GALNT12: variants seen among roughly 807,000 people sequenced by gnomAD.
GALNT12 encodes UDP-GalNAc:polypeptide N-acetylgalactosaminyltransferase 12.
Under a neutral mutation model 55.5 loss-of-function variants are expected in GALNT12, and 45 were observed. The ratio of observed to expected loss-of-function variants is 0.81; its 90% CI spans 0.64 to 1.04. The LOEUF (loss-of-function observed/expected upper bound fraction) is 1.04. Ranked by LOEUF, GALNT12 falls within the 50% of genes least tolerant of loss-of-function variation. The pLI is 0.00. For missense variants in GALNT12, 709 were observed against 754.8 expected, an observed-to-expected ratio of 0.94 and a Z score of 0.71; for synonymous variants, 304 against 312.2, an observed-to-expected ratio of 0.97 and a Z score of 0.28.
At chr9:98,842,400 G>T (rs1423551654) in intron 7 of GALNT12, among the ~76,000 whole-genome samples, 1 of 152,016 alleles carries the variant, frequency 6.6e-6, no homozygotes, top group African/African-American at 2.4e-5. Context: ...TGTTGCCCAG[G>T]CTGGTCTTGA....
At chr9:98,825,797 A>G (rs926457878) in intron 2 of GALNT12, among the ~76,000 whole-genome samples, 1 of 151,914 alleles carries the variant, frequency 6.6e-6, no homozygotes, top group African/African-American at 2.4e-5. Context: ...AAGCATAGGA[A>G]GACCCTATGT....
intron 4 of GALNT12, among the ~76,000 whole-genome samples, chr9:98,832,851 T>C (rs1040726416): frequency 4.6e-5 from 7 of 152,228 alleles, no homozygotes; most frequent in African/African-American, 1.7e-4. Context: ...CTACATTTTG[T>C]TTATCCATTC....
chr9:98,839,674 G>A lies in GALNT12; in HGVS notation c.1213-328G>A, dbSNP rs555274919. On this transcript the variant is annotated intron_variant, in intron 6 of 9. Transcript: ENST00000375011. ...GATCACAAGCATGGGTCACAGGTCC[G>A]GGATCCATAGATGCCAGTGCAGCCC... Among the ~76,000 whole-genome samples, 263 of 152,128 alleles carry A rather than the reference G, an allele frequency of 1.7e-3. 1 individual carries two copies. Among genetic ancestry groups the A allele is most frequent in the African/African-American group, 6.1e-3 (252 of 41,532 alleles).
chr9:98,836,848 G>GA, intron 5 of GALNT12, 124 bp from the exon 6 acceptor site: 1 of 1,036,718 alleles, frequency 9.6e-7, no homozygotes, highest in East Asian at 2.4e-5. Flanking sequence ...CTGCCCGATG[G>GA]AGGCTGAGCA....
intron 2 of GALNT12, among the ~76,000 whole-genome samples, chr9:98,826,018 TA>T (rs1564252572): frequency 6.6e-6 from 1 of 152,114 alleles, no homozygotes; most frequent in Non-Finnish European, 1.5e-5. Flanking sequence ...TTTATTGATT[TA>T]TTTATAGACA....
At position 98,839,288 on chromosome 9, in the gene GALNT12, G is replaced by A. The variant is rs550969795; in HGVS notation, c.1213-714G>A. Among the ~76,000 whole-genome samples, 3 of 152,268 alleles carry A rather than the reference G, an allele frequency of 2.0e-5. No individual in the cohort carries two copies. In the East Asian group the frequency reaches 5.8e-4, roughly 29 times the overall value. ...GAAATCTGAAATCTTATTCAAACAT[G>A]TACTTATTATTACCATTTTGTTCAA... On this transcript the variant is annotated intron_variant, in intron 6 of 9. Coordinates refer to ENST00000375011, the MANE Select transcript of GALNT12 (RefSeq NM_024642.5).
At chr9:98,819,952 G>A (rs180880399) in intron 1 of GALNT12, among the ~76,000 whole-genome samples, 1 of 152,304 alleles carries the variant, frequency 6.6e-6, no homozygotes, top group East Asian at 1.9e-4. Context: ...CATAGGAAGT[G>A]GTTTTGAAGG....
At chr9:98,815,508 A>G (rs1280095937) in intron 1 of GALNT12, among the ~76,000 whole-genome samples, 1 of 152,238 alleles carries the variant, frequency 6.6e-6, no homozygotes, top group African/African-American at 2.4e-5. Context: ...GGGCATTGGT[A>G]TTGAACCTCA....
intron 9 of GALNT12, chr9:98,848,650 C>A (rs1333527237): frequency 2.4e-6 from 1 of 424,998 alleles, no homozygotes; most frequent in Non-Finnish European, 4.4e-6. Flanking sequence ...AACAAAGGAT[C>A]TTTGTTCCTG....
intron 1 of GALNT12, among the ~76,000 whole-genome samples, chr9:98,808,829 A>G (rs1308441706): frequency 3.9e-5 from 6 of 152,142 alleles, no homozygotes; most frequent in Admixed American, 2.0e-4. Flanking sequence ...GGCTGCTGCC[A>G]CCTTTGCCGC....
Position 98,823,056 on chromosome 9 carries a change from A to T in GALNT12, c.372-200A>T, listed in dbSNP as rs545909136. Among the ~76,000 whole-genome samples the T allele has an allele frequency of 7.1e-4, 108 of 152,290 alleles. 1 individual carries two copies. The highest frequency in any genetic ancestry group is 2.5e-3 in the African/African-American group (104 of 41,562). ...CAGCTTAAAACAATATCCCACAGTAAAAGCTAGGTGGGTGCCATGGTTAGG... is the reference window on the plus strand; with the variant it reads ...CAGCTTAAAACAATATCCCACAGTATAAGCTAGGTGGGTGCCATGGTTAGG... On this transcript the variant is annotated intron_variant, in intron 1 of 9. Coordinates refer to ENST00000375011, the MANE Select transcript of GALNT12 (RefSeq NM_024642.5).
At position 98,849,010 on chromosome 9, in the gene GALNT12, C is replaced by A. The variant is rs761631783; in HGVS notation, c.1664C>A (p.Ser555Ter). ...KKCVQAARKE[S>*]SDSFVPLLRD... ...TGTGTCCAGGCTGCGAGGAAGGAGT[C>A]GAGTGACAGTTTCGTTCCACTCTTA... is the stretch of plus-strand genomic sequence containing the variant. Residue 555 changes from serine to a stop codon, truncating the protein, a stop_gained, in exon 10 of 10, where the codon TCG (serine) becomes TAG (stop). Coordinates refer to ENST00000375011, the MANE Select transcript of GALNT12 (RefSeq NM_024642.5). LOFTEE classifies it low-confidence loss of function (END_TRUNC). The A allele has an allele frequency of 4.3e-6, 7 of 1,613,966 alleles. No individual in the cohort carries two copies. The highest frequency in any genetic ancestry group is 5.1e-6 in the Non-Finnish European group (6 of 1,179,960).
Position 98,849,198 on chromosome 9 carries a change from A to G in GALNT12, c.*106A>G, listed in dbSNP as rs542775009. 100 of 1,166,778 alleles carry G rather than the reference A, an allele frequency of 8.6e-5. No homozygotes were observed. The highest frequency in any genetic ancestry group is 1.2e-4 in the Non-Finnish European group (95 of 784,770). 72.3% of individuals were successfully genotyped at this position (1,166,778 alleles called of 1,614,324 possible). ...CAGAACCCACCAAAAACTAGGCTGC[A>G]TTGCTTTGAAGAGGCAATCATTTTG... is the stretch of plus-strand genomic sequence containing the variant. On this transcript the variant is annotated 3_prime_UTR_variant, in exon 10 of 10. Coordinates refer to ENST00000375011, the MANE Select transcript of GALNT12 (RefSeq NM_024642.5).
chr9:98,848,033 T>G (rs915187222), intron 9 of GALNT12, among the ~76,000 whole-genome samples: 1 of 152,140 alleles, frequency 6.6e-6, no homozygotes, highest in African/African-American at 2.4e-5. Flanking sequence ...AGGCTGGTCT[T>G]GAGCTCTTTG....
intron 9 of GALNT12, chr9:98,848,633 A>G (rs1022785380): frequency 5.4e-5 from 21 of 389,084 alleles, no homozygotes; most frequent in Admixed American, 1.1e-4. Flanking sequence ...GAGGAGTGAA[A>G]GAGATAAACA....
chr9:98,816,386 A>G, intron 1 of GALNT12, among the ~76,000 whole-genome samples: 1 of 103,724 alleles, frequency 9.6e-6, no homozygotes, highest in African/African-American at 4.4e-5. Context: ...CACATTAAAA[A>G]AAGAAAAAAA....
At chr9:98,811,111 T>C (rs1406649426) in intron 1 of GALNT12, among the ~76,000 whole-genome samples, 2 of 152,190 alleles carry the variant, frequency 1.3e-5, no homozygotes, top group Admixed American at 6.5e-5. Context: ...GGACCTAGGC[T>C]GAATCTGATA....
Position 98,848,967 on chromosome 9 carries a change from C to G in GALNT12, c.1621C>G (p.His541Asp), listed in dbSNP as rs2118522350. ...TCTTTTGTAGGATGGATCTTTATTTCACGAACAGTCCAAGAAATGTGTCCA... is the reference window on the plus strand; with the variant it reads ...TCTTTTGTAGGATGGATCTTTATTTGACGAACAGTCCAAGAAATGTGTCCA... ...FILQEDGSLFHEQSKKCVQAA... is the reference protein window; with the variant it reads ...FILQEDGSLFDEQSKKCVQAA... Residue 541 changes from histidine to aspartate, a missense_variant, in exon 10 of 10, where the codon CAC becomes GAC. This residue lies in a region of GALNT12 where 262 missense variants were observed against 310.7 expected (regional missense o/e 0.84). Coordinates refer to ENST00000375011, the MANE Select transcript of GALNT12 (RefSeq NM_024642.5). The G allele has an allele frequency of 6.2e-7, 1 of 1,614,196 alleles. No homozygotes were observed. The highest frequency in any genetic ancestry group is 8.5e-7 in the Non-Finnish European group (1 of 1,180,032).
chr9:98,816,190 CTATT>C (rs938056300), intron 1 of GALNT12, among the ~76,000 whole-genome samples: 1 of 151,962 alleles, frequency 6.6e-6, no homozygotes, highest in Non-Finnish European at 1.5e-5. Context: ...GGTATTCTGA[CTATT>C]TACTTAGGCA....
Sources: allele counts gnomAD v4.1 joint callset (sites outside exome capture counted in the v4.1 genomes callset), GRCh38; gene constraint gnomAD v4.1.1; regional missense constraint gnomAD v4.1.1; transcripts MANE v1.5; gene names NCBI Gene and HGNC (gene_info 2026-07-23, HGNC 2026-07-21).